The following LPP variants were observed in gnomAD, a reference collection of about 807,000 sequenced individuals.
LPP encodes LIM domain containing preferred translocation partner in lipoma.
A neutral mutation model predicts 60.4 loss-of-function variants in LPP; 38 were observed. The ratio of observed to expected loss-of-function variants is 0.63; its 90% CI spans 0.49 to 0.83. The LOEUF (loss-of-function observed/expected upper bound fraction) is 0.83, where lower values mean the gene tolerates loss of function less well. LPP is among the 40% of genes least tolerant of loss of function. LPP has a pLI of 0.00. For synonymous variants in LPP, 328 were observed against 290.8 expected (o/e 1.13, Z -1.30); for missense variants, 902 against 783.6 (o/e 1.15, Z -1.80).
intron 7 of LPP, among the ~76,000 whole-genome samples, chr3:188,656,951 A>G (rs1227369567): frequency 2.0e-5 from 3 of 152,114 alleles, no homozygotes; most frequent in Non-Finnish European, 4.4e-5. Context: ...TTCCTACTAC[A>G]TGATACCACT....
intron 2 of LPP, among the ~76,000 whole-genome samples, chr3:188,312,356 T>C (rs1753730369): frequency 6.6e-6 from 1 of 152,252 alleles, no homozygotes; most frequent in South Asian, 2.1e-4. Context: ...GAATTTTTGC[T>C]TATTGATTTA....
intron 9 of LPP, among the ~76,000 whole-genome samples, chr3:188,860,905 G>A (rs1450991686): frequency 6.6e-6 from 1 of 152,158 alleles, no homozygotes; most frequent in Admixed American, 6.5e-5. Context: ...TGTGTCTACC[G>A]ATATACAGAT....
intron 11 of LPP, among the ~76,000 whole-genome samples, chr3:188,873,164 G>A (rs1438888049): frequency 6.6e-6 from 1 of 152,158 alleles, no homozygotes; most frequent in Non-Finnish European, 1.5e-5. Flanking sequence ...TTATTTGTTA[G>A]CATGCACTAC....
chr3:188,859,329 C>A (rs369957574), intron 9 of LPP, among the ~76,000 whole-genome samples: 4 of 151,926 alleles, frequency 2.6e-5, no homozygotes, highest in African/African-American at 9.7e-5. Flanking sequence ...CAAATCCAAT[C>A]CCAACTAGAA....
Position 188,561,453 on chromosome 3 carries a change from C to G in LPP, c.429+36666C>G, listed in dbSNP as rs573335503. ...AATCCATTCTATACTTATTAATCCA[C>G]TGAGCTTGTCAGTACACATCCCTGT... is the stretch of plus-strand genomic sequence containing the variant. On this transcript the variant is annotated intron_variant, in intron 6 of 11. Transcript: ENST00000617246. Among the ~76,000 whole-genome samples, 9 of 152,156 alleles carry G rather than the reference C, an allele frequency of 5.9e-5. No individual in the cohort carries two copies. In the East Asian group the frequency reaches 1.6e-3, roughly 26 times the overall value.
chr3:188,671,901 CT>C (rs2149263817), intron 7 of LPP, among the ~76,000 whole-genome samples: 1 of 152,190 alleles, frequency 6.6e-6, no homozygotes, highest in Admixed American at 6.5e-5. Flanking sequence ...TAAACATGCT[CT>C]TTTTGTGTCA....
chr3:188,607,394 T>A (rs1209965061), intron 6 of LPP, among the ~76,000 whole-genome samples: 1 of 32,080 alleles, frequency 3.1e-5, no homozygotes, highest in Non-Finnish European at 5.6e-5. Context: ...TATATATATA[T>A]ATATATATAT....
chr3:188,845,289 T>C (rs1162769620), intron 9 of LPP, among the ~76,000 whole-genome samples: 1 of 152,170 alleles, frequency 6.6e-6, no homozygotes, highest in African/African-American at 2.4e-5. Context: ...GAGATGTGTC[T>C]TGAGATTCTG....
chr3:188,368,314 A>G (rs1164525569), intron 3 of LPP, among the ~76,000 whole-genome samples: 1 of 152,148 alleles, frequency 6.6e-6, no homozygotes, highest in Non-Finnish European at 1.5e-5. Flanking sequence ...TTTTGCATTC[A>G]AAACCAGGGC....
intron 9 of LPP, among the ~76,000 whole-genome samples, chr3:188,767,695 T>A (rs1206333780): frequency 2.0e-5 from 3 of 152,126 alleles, no homozygotes; most frequent in Admixed American, 1.3e-4. Flanking sequence ...AATGAATAAA[T>A]ACATAAGCGC....
intron 5 of LPP, among the ~76,000 whole-genome samples, chr3:188,494,071 A>G (rs1257631165): frequency 6.6e-6 from 1 of 152,156 alleles, no homozygotes; most frequent in Admixed American, 6.5e-5. Context: ...AAATGGGAAT[A>G]TATAGTTATT....
chr3:188,351,866 G>A (rs1337411694), intron 3 of LPP, among the ~76,000 whole-genome samples: 3 of 152,276 alleles, frequency 2.0e-5, no homozygotes, highest in Admixed American at 6.5e-5. Flanking sequence ...GTGGTCACCC[G>A]AGTGTACCAG....
At chr3:188,441,469 C>A (rs377611711) in intron 4 of LPP, among the ~76,000 whole-genome samples, 1 of 151,906 alleles carries the variant, frequency 6.6e-6, no homozygotes, top group African/African-American at 2.4e-5. Context: ...GACCCCAATT[C>A]GTAGTTTCTT....
intron 6 of LPP, among the ~76,000 whole-genome samples, chr3:188,605,785 C>CAGAT (rs1482602864): frequency 6.6e-6 from 1 of 152,042 alleles, no homozygotes; most frequent in Non-Finnish European, 1.5e-5. Context: ...CCATTTGATG[C>CAGAT]AGATAGATAG....
chr3:188,728,750 G>A (rs1337147011), intron 8 of LPP, among the ~76,000 whole-genome samples: 1 of 152,008 alleles, frequency 6.6e-6, no homozygotes, highest in Non-Finnish European at 1.5e-5. Context: ...TAGTGAGTTG[G>A]TATGTCTACT....
intron 8 of LPP, among the ~76,000 whole-genome samples, chr3:188,723,553 G>A (rs17671338): frequency 0.22 from 33,673 of 151,908 alleles, 4,695 homozygotes; most frequent in Middle Eastern, 0.43. Context: ...GCAGGGAGAC[G>A]GCAGACATAC....
rs1173978169 is a variant in LPP at position 188,361,545 on chromosome 3, C to CCCTCT, written c.-10+19850_-10+19854dup. Among the ~76,000 whole-genome samples the CCCTCT allele has an allele frequency of 5.1e-3, 331 of 64,664 alleles. 2 individuals carry two copies. The highest frequency in any genetic ancestry group is 7.2e-3 in the Non-Finnish European group (253 of 35,104). The allele number at this position is 64,664 out of a possible 152,430, so 42.4% of individuals were successfully genotyped here. On this transcript the variant is annotated intron_variant, in intron 3 of 11. Coordinates refer to ENST00000617246, the MANE Select transcript of LPP (RefSeq NM_001375462.1). ...TCCTCTCCTCTCCTCTCCTCTCCTC[C>CCCTCT]CCTCTCCTCTCCTCTCCTCTCCTCT...
At chr3:188,353,591 C>T (rs1042957997) in intron 3 of LPP, among the ~76,000 whole-genome samples, 8 of 152,190 alleles carry the variant, frequency 5.3e-5, no homozygotes, top group African/African-American at 9.7e-5. Flanking sequence ...TGTAATGTTA[C>T]TTCTGCTTTC....
chr3:188,614,022 G>T (rs1042370926), intron 7 of LPP, among the ~76,000 whole-genome samples: 1 of 151,602 alleles, frequency 6.6e-6, no homozygotes, highest in Non-Finnish European at 1.5e-5. Context: ...CCACCTCCCG[G>T]GTTCAAGTGA....
Sources: allele counts gnomAD v4.1 joint callset (sites outside exome capture counted in the v4.1 genomes callset), GRCh38; gene constraint gnomAD v4.1.1; transcripts MANE v1.5; gene names NCBI Gene and HGNC (gene_info 2026-07-23, HGNC 2026-07-21).